The following TCERG1 variants were observed in gnomAD, a reference collection of about 807,000 sequenced individuals.
TCERG1 encodes TATA box binding protein (TBP)-associated factor, RNA polymerase II, S, 150kD.
TCERG1 carries 37 observed loss-of-function variants against 144.7 expected under a neutral mutation model. The ratio of observed to expected loss-of-function variants is 0.26; its 90% CI spans 0.20 to 0.34. The LOEUF (loss-of-function observed/expected upper bound fraction) is 0.34, where lower values mean the gene tolerates loss of function less well. Ranked by LOEUF, TCERG1 falls within the 10% of genes least tolerant of loss-of-function variation. The probability of loss-of-function intolerance (pLI) is 1.00; values close to 1 mark genes in which losing one functional copy is unlikely to be tolerated. For synonymous variants in TCERG1, 492 were observed against 458.2 expected, an observed-to-expected ratio of 1.07 and a Z score of -0.94; for missense variants, 1,027 against 1,380.7, an observed-to-expected ratio of 0.74 and a Z score of 4.06.
At chr5:146,472,620 A>G (rs1407648960) in intron 9 of TCERG1, among the ~76,000 whole-genome samples, 2 of 152,142 alleles carry the variant, frequency 1.3e-5, no homozygotes, top group East Asian at 3.9e-4. Context: ...GAGACACAAC[A>G]ATATTGAAAT....
intron 1 of TCERG1, among the ~76,000 whole-genome samples, chr5:146,447,907 C>T (rs953200244): frequency 6.6e-6 from 1 of 152,266 alleles, no homozygotes; most frequent in African/African-American, 2.4e-5. Context: ...CATTTCATCC[C>T]CCTCATTGCT....
At position 146,503,258 on chromosome 5, in the gene TCERG1, T is replaced by C. The variant is rs183137976; in HGVS notation, c.2434-117T>C. 130 of 882,218 alleles carry C rather than the reference T, an allele frequency of 1.5e-4. No individual in the cohort carries two copies. In the African/African-American group the frequency reaches 2.0e-3, roughly 14 times the overall value. The allele number at this position is 882,218 out of a possible 1,614,324, so 54.6% of individuals were successfully genotyped here. A position where few individuals can be genotyped will look rare whatever the true frequency, so the allele number is the denominator to read the frequency against. ...CTAAATGCCTATATTTTAAAAGTTA[T>C]TATTCTCATATTTAAGGTAGGTGAA... On this transcript the variant is annotated intron_variant, in intron 17 of 22. Coordinates refer to ENST00000679501, the MANE Select transcript of TCERG1 (RefSeq NM_001382548.1).
At position 146,510,775 on chromosome 5, in the gene TCERG1, C is replaced by A; in HGVS notation, c.*133C>A. 1.2e-6 allele frequency: 1 copy of A among 826,090 alleles called. No homozygotes were observed. The highest frequency in any genetic ancestry group is 1.8e-6 in the Non-Finnish European group (1 of 554,286). 51.2% of individuals were successfully genotyped at this position (826,090 alleles called of 1,614,324 possible). On this transcript the variant is annotated 3_prime_UTR_variant, in exon 23 of 23. Coordinates refer to ENST00000679501, the MANE Select transcript of TCERG1 (RefSeq NM_001382548.1). Reference sequence around the variant, plus strand: ...AAACAGAAGGAGAAGCATTTGTGAACAGTTTCTGAACAGAACACTTTGGAA... The same window carrying A: ...AAACAGAAGGAGAAGCATTTGTGAAAAGTTTCTGAACAGAACACTTTGGAA...
intron 19 of TCERG1, among the ~76,000 whole-genome samples, chr5:146,505,104 A>G (rs2150898324): frequency 6.6e-6 from 1 of 151,180 alleles, no homozygotes; most frequent in East Asian, 1.9e-4. Flanking sequence ...AAAAAAAAAA[A>G]AGGACAAAAA....
chr5:146,479,257 G>A (rs181247274), intron 10 of TCERG1, among the ~76,000 whole-genome samples: 2 of 152,022 alleles, frequency 1.3e-5, no homozygotes, highest in East Asian at 1.9e-4. Context: ...ACTGTGGCCC[G>A]CAAGTGGTAT....
rs1768106305 is a variant in TCERG1, at chr5:146,507,447, T to A, written c.2961+240T>A. 3 of 419,588 alleles carry A rather than the reference T, an allele frequency of 7.1e-6. No individual in the cohort carries two copies. The South Asian group carries it at 1.9e-4, about 27-fold the overall frequency. The allele number at this position is 419,588 out of a possible 1,614,324, so 26.0% of individuals were successfully genotyped here. A position where few individuals can be genotyped will look rare whatever the true frequency, so the allele number is the denominator to read the frequency against. On this transcript the variant is annotated intron_variant, in intron 20 of 22. Coordinates refer to ENST00000679501, the MANE Select transcript of TCERG1 (RefSeq NM_001382548.1). This position sits in a 1 kb window ranked among gnomAD's most constrained non-coding sequence, Gnocchi z 4.6. ...GTAATTCAAAATGTCCTTAGCCATG[T>A]GGTCAGTGATCCCTCCTAATAATAG...
chr5:146,481,292 C>T (rs1765341818), intron 13 of TCERG1, 92 bp downstream of exon 13: 1 of 582,334 alleles, frequency 1.7e-6, no homozygotes, highest in Non-Finnish European at 2.2e-6. Flanking sequence ...GTGACATTTT[C>T]ATTTAGTATA....
intron 1 of TCERG1, among the ~76,000 whole-genome samples, chr5:146,450,684 C>T (rs930979077): frequency 3.3e-5 from 5 of 152,024 alleles, no homozygotes; most frequent in South Asian, 2.1e-4. Flanking sequence ...ATGTTCTGTG[C>T]GTAATTAACA....
chr5:146,453,359 T>C (rs1762524575), intron 1 of TCERG1, among the ~76,000 whole-genome samples: 1 of 152,234 alleles, frequency 6.6e-6, no homozygotes, highest in Non-Finnish European at 1.5e-5. Context: ...AATGTTAATA[T>C]TTTACCTCTT....
chr5:146,477,213 CTT>C (rs761233073), intron 9 of TCERG1, among the ~76,000 whole-genome samples: 3 of 151,594 alleles, frequency 2.0e-5, no homozygotes, highest in East Asian at 1.9e-4. Flanking sequence ...TTACTGAACT[CTT>C]TTCATTTATT....
chr5:146,510,017 T>TG, intron 22 of TCERG1: 1 of 1,281,236 alleles, frequency 7.8e-7, no homozygotes, highest in Non-Finnish European at 1.0e-6. Context: ...TGCATCAGCT[T>TG]GGGCTTTTAA....
intron 1 of TCERG1, among the ~76,000 whole-genome samples, chr5:146,454,569 GT>G (rs55714513): frequency 5.4e-5 from 8 of 146,974 alleles, no homozygotes; most frequent in South Asian, 2.2e-4. Flanking sequence ...ATTGATGTAA[GT>G]TTTTTTTTTT....
At chr5:146,491,866 G>A (rs1766461535) in intron 15 of TCERG1, among the ~76,000 whole-genome samples, 1 of 152,192 alleles carries the variant, frequency 6.6e-6, no homozygotes, top group African/African-American at 2.4e-5. Context: ...AAGGGTATAA[G>A]CATGGCTGTT....
At chr5:146,450,772 A>G (rs1050516525) in intron 1 of TCERG1, among the ~76,000 whole-genome samples, 4 of 152,252 alleles carry the variant, frequency 2.6e-5, no homozygotes, top group African/African-American at 9.6e-5. Context: ...CAGACTTTTG[A>G]AAACCATAAC....
intron 9 of TCERG1, among the ~76,000 whole-genome samples, chr5:146,473,041 A>G (rs1764492115): frequency 6.6e-6 from 1 of 152,100 alleles, no homozygotes; most frequent in South Asian, 2.1e-4. Context: ...GTCAAAAACT[A>G]AACATGATTA....
intron 15 of TCERG1, among the ~76,000 whole-genome samples, chr5:146,487,763 G>A (rs931490675): frequency 7.3e-5 from 11 of 150,198 alleles, no homozygotes; most frequent in Admixed American, 6.0e-4. Context: ...TAAAATTTTT[G>A]TGAAACCAAA....
chr5:146,493,946 TTGTC>T (rs1275415417), intron 16 of TCERG1, among the ~76,000 whole-genome samples: 3 of 152,102 alleles, frequency 2.0e-5, no homozygotes, highest in Non-Finnish European at 4.4e-5. Flanking sequence ...ATAGTTAATT[TTGTC>T]TGTGGAGGTA....
At chr5:146,505,860 T>C (rs983570856) in intron 19 of TCERG1, among the ~76,000 whole-genome samples, 2 of 152,218 alleles carry the variant, frequency 1.3e-5, no homozygotes, top group Non-Finnish European at 2.9e-5. Flanking sequence ...CACTGCAACC[T>C]TTGCCTCCTG....
At chr5:146,461,970 T>G (rs1763367615) in intron 4 of TCERG1, 2 of 152,598 alleles carry the variant, frequency 1.3e-5, no homozygotes, top group Non-Finnish European at 2.9e-5. Flanking sequence ...GTACTTTGTA[T>G]TTTTCACACT....
Sources: allele counts gnomAD v4.1 joint callset (sites outside exome capture counted in the v4.1 genomes callset), GRCh38; gene constraint gnomAD v4.1.1; non-coding constraint Gnocchi (gnomAD v3.1); transcripts MANE v1.5; gene names NCBI Gene and HGNC (gene_info 2026-07-23, HGNC 2026-07-21).